HPS5: variants seen among roughly 807,000 people sequenced by gnomAD.
HPS5 encodes the protein BLOC-2 complex member HPS5.
In HPS5, 83 loss-of-function variants were observed where a neutral mutation model predicts 128.0. That is an observed-to-expected ratio of 0.65 (90% CI 0.54 to 0.78). The LOEUF is 0.78. HPS5 is among the 30% of genes least tolerant of loss of function. The pLI is 0.00. For synonymous variants in HPS5, 475 were observed against 470.2 expected (o/e 1.01, Z -0.13); for missense variants, 1,281 against 1,326.2 (o/e 0.97, Z 0.53).
rs145010917 is a variant in HPS5 at position 18,287,685 on chromosome 11, T to C, written c.2567A>G (p.Tyr856Cys). Reference protein sequence around the residue: ...PLLVVYATRLYEKFGESALRS... With the variant: ...PLLVVYATRLCEKFGESALRS... ...AAGAGCAGACTCCCCAAACTTTTCATACAACCTGCATTTAAAAACAAAACA... is the reference window on the plus strand; with the variant it reads ...AAGAGCAGACTCCCCAAACTTTTCACACAACCTGCATTTAAAAACAAAACA... The change falls in exon 18 of 23, where the codon TAT (tyrosine) becomes TGT (cysteine). Residue 856 changes from tyrosine (Y) to cysteine (C), a missense_variant. Tyr to Cys is a radical substitution (Grantham distance 194, BLOSUM62 -2). Transcript: ENST00000349215. The C allele has an allele frequency of 6.8e-6, 11 of 1,614,164 alleles. No homozygotes were observed. The African/African-American group carries it at 1.2e-4, about 18-fold the overall frequency.
Position 18,291,869 on chromosome 11 carries a change from C to T in HPS5, c.2013G>A (p.Gln671=), listed in dbSNP as rs1266818614. 1.2e-6 allele frequency: 2 copies of T among 1,608,002 alleles called. No homozygotes were observed. The highest frequency in any genetic ancestry group is 1.7e-6 in the Non-Finnish European group (2 of 1,176,906). ...DTDNSSMKLN[Q]DVLLVNESKK... ...TTGATTCATTAACTAATAGCACATC[C>T]TGGTTCAATTTCATGGATGAGTTGT... The change falls in exon 16 of 23, where the codon CAG becomes CAA. Residue 671 remains glutamine, a synonymous_variant. Coordinates refer to ENST00000349215, the MANE Select transcript of HPS5 (RefSeq NM_181507.2).
rs564675292 is a variant in HPS5 at position 18,279,041 on chromosome 11, G to A, written c.*841C>T. 14 of 151,962 alleles carry A rather than the reference G, an allele frequency of 9.2e-5. No individual in the cohort carries two copies. The highest frequency in any genetic ancestry group is 2.1e-4 in the Non-Finnish European group (14 of 67,990). The allele number at this position is 151,962 out of a possible 1,614,324, so 9.4% of individuals were successfully genotyped here. On this transcript the variant is annotated 3_prime_UTR_variant, in exon 23 of 23. Coordinates refer to ENST00000349215, the MANE Select transcript of HPS5 (RefSeq NM_181507.2). Reference sequence around the variant, plus strand: ...ATTAGAAAATATTAAATAAATACAGGGAAAAATATTTTTAATTAGCTTAAT... The same window carrying A: ...ATTAGAAAATATTAAATAAATACAGAGAAAAATATTTTTAATTAGCTTAAT...
At chr11:18,286,543 A>G in intron 19 of HPS5, 48 bp downstream of exon 19, 1 of 1,534,048 alleles carries the variant, frequency 6.5e-7, no homozygotes, top group Non-Finnish European at 8.9e-7. Flanking sequence ...TCCTGTCTCA[A>G]AAAAAAAAAG....
chr11:18,299,118 A>G (rs1022394892), intron 9 of HPS5, 148 bp from the exon 10 acceptor site: 6 of 702,856 alleles, frequency 8.5e-6, no homozygotes, highest in Non-Finnish European at 1.5e-5. Flanking sequence ...TTGCAGTTCA[A>G]TGAAGAAATC....
At chr11:18,288,657 A>C (rs988654194) in intron 16 of HPS5, among the ~76,000 whole-genome samples, 1 of 151,388 alleles carries the variant, frequency 6.6e-6, no homozygotes, top group Non-Finnish European at 1.5e-5. Flanking sequence ...TTTCTTTTTT[A>C]GTTTTTTAGA....
At chr11:18,312,161 G>T in intron 2 of HPS5, 137 bp from the exon 3 acceptor site, 1 of 702,106 alleles carries the variant, frequency 1.4e-6, no homozygotes, top group Non-Finnish European at 2.6e-6. Flanking sequence ...GACACAATAT[G>T]ACACTTATTC....
intron 21 of HPS5, 63 bp downstream of exon 21, chr11:18,283,732 T>G: frequency 2.2e-5 from 25 of 1,149,532 alleles, no homozygotes; most frequent in Non-Finnish European, 3.3e-5. Context: ...ATTTTTTTGT[T>G]GAGAGGTCTG....
intron 15 of HPS5, 113 bp downstream of exon 15, chr11:18,292,786 C>A: frequency 2.4e-6 from 2 of 838,764 alleles, no homozygotes; most frequent in South Asian, 2.8e-5. Flanking sequence ...AGCAACTTCT[C>A]TAATCAACTA....
At position 18,311,452 on chromosome 11, in the gene HPS5, C is replaced by A. The variant is rs1331019600; in HGVS notation, c.220-1G>T. ...AGGCGACTTGAGAAATTGCACCTTC[C>A]TAGAGCACAAAAGAAAATACATTTT... On this transcript the variant is annotated splice_acceptor_variant, in intron 3 of 22. Transcript: ENST00000349215. LOFTEE classifies it high-confidence loss of function. 11 of 1,579,444 alleles carry A rather than the reference C, an allele frequency of 7.0e-6. No homozygotes were observed. Among genetic ancestry groups the A allele is most frequent in the Non-Finnish European group, 9.5e-6 (11 of 1,153,710 alleles).
chr11:18,318,654 AAAAAG>A (rs1319215489), intron 1 of HPS5, among the ~76,000 whole-genome samples: 1 of 152,234 alleles, frequency 6.6e-6, no homozygotes, highest in East Asian at 1.9e-4. Flanking sequence ...ATCTCCAGAA[AAAAAG>A]AAAAGAAAAT....
chr11:18,279,629 G>T lies in HPS5; in HGVS notation c.*253C>A. The T allele has an allele frequency of 1.9e-6, 1 of 538,750 alleles. No homozygotes were observed. Among genetic ancestry groups the T allele is most frequent in the Admixed American group, 3.2e-5 (1 of 31,352 alleles). The allele number at this position is 538,750 out of a possible 1,614,324, so 33.4% of individuals were successfully genotyped here. A position where few individuals can be genotyped will look rare whatever the true frequency, so the allele number is the denominator to read the frequency against. The stretch of plus-strand genomic sequence containing the variant: ...TTAACATTCTAATTCCAGCAAACAA[G>T]GACTGACTCTTTTCAAAATTCAACT... On this transcript the variant is annotated 3_prime_UTR_variant, in exon 23 of 23. Coordinates refer to ENST00000349215, the MANE Select transcript of HPS5 (RefSeq NM_181507.2).
At position 18,280,750 on chromosome 11, in the gene HPS5, C is replaced by T. The variant is rs1359642633; in HGVS notation, c.3330-808G>A. ...TGACACATGCTACAACATGGATAAA[C>T]CTTTAGGATGCTATGCTCAGTGAAA... On this transcript the variant is annotated intron_variant, in intron 22 of 22. Coordinates refer to ENST00000349215, the MANE Select transcript of HPS5 (RefSeq NM_181507.2). The T allele has an allele frequency of 1.2e-5, 6 of 516,042 alleles. No homozygotes were observed. The Admixed American group carries it at 1.5e-4, about 13-fold the overall frequency. 32.0% of individuals were successfully genotyped at this position (516,042 alleles called of 1,614,324 possible).
chr11:18,298,478 G>C (rs1861342885), intron 10 of HPS5, among the ~76,000 whole-genome samples: 1 of 152,290 alleles, frequency 6.6e-6, no homozygotes, highest in East Asian at 1.9e-4. Flanking sequence ...CTGGGTGACA[G>C]AGCGAGACTG....
At chr11:18,311,511 A>ATTTTTTTTT (rs11376847) in intron 3 of HPS5, 60 bp from the exon 4 acceptor site, 32 of 531,954 alleles carry the variant, frequency 6.0e-5, no homozygotes, top group South Asian at 6.7e-5. Flanking sequence ...TATTATTATT[A>ATTTTTTTTT]TTTTTTTTTT....
chr11:18,310,577 C>G (rs764969192), intron 5 of HPS5, among the ~76,000 whole-genome samples, 164 bp downstream of exon 5: 12 of 152,158 alleles, frequency 7.9e-5, no homozygotes, highest in South Asian at 2.1e-4. Context: ...AACAGGCCAC[C>G]GTGTGTACTA....
At chr11:18,289,417 G>A (rs1328679072) in intron 16 of HPS5, among the ~76,000 whole-genome samples, 4 of 152,124 alleles carry the variant, frequency 2.6e-5, no homozygotes, top group African/African-American at 9.7e-5. Context: ...TATCACTCTG[G>A]CTGATGGAGA....
intron 6 of HPS5, among the ~76,000 whole-genome samples, chr11:18,307,090 T>C (rs751150311): frequency 5.3e-5 from 8 of 152,262 alleles, no homozygotes; most frequent in Non-Finnish European, 1.0e-4. Context: ...TATGACATGA[T>C]ATATGGCAAT....
At chr11:18,303,240 T>C (rs1285476205) in intron 8 of HPS5, among the ~76,000 whole-genome samples, 2 of 147,912 alleles carry the variant, frequency 1.4e-5, no homozygotes, top group Non-Finnish European at 3.0e-5. Context: ...GAATTCACTA[T>C]CATTTGAGGG....
intron 19 of HPS5, 54 bp from the exon 20 acceptor site, chr11:18,285,513 G>T: frequency 8.3e-7 from 1 of 1,202,024 alleles, no homozygotes; most frequent in Non-Finnish European, 1.2e-6. Flanking sequence ...TCTAGAAAAT[G>T]CTTATTTATC....
Sources: gnomAD v4.1 joint callset for allele counts (sites outside exome capture counted in the v4.1 genomes callset) on GRCh38, gnomAD v4.1.1 for gene constraint, MANE v1.5 for transcripts, NCBI Gene and HGNC (gene_info 2026-07-23, HGNC 2026-07-21) for gene names.